Variants in SNX13 observed in about 807,000 individuals in gnomAD.
SNX13 encodes sorting nexin 13.
Under a neutral mutation model 133.6 loss-of-function variants are expected in SNX13, and 45 were observed. The ratio of observed to expected loss-of-function variants is 0.34; its 90% confidence interval spans 0.27 to 0.43. The LOEUF (loss-of-function observed/expected upper bound fraction) is 0.43, where lower values mean the gene tolerates loss of function less well. SNX13 is among the 20% of genes least tolerant of loss of function. The probability of loss-of-function intolerance (pLI) is 1.00; values close to 1 mark genes in which losing one functional copy is unlikely to be tolerated. For missense variants in SNX13, 1,032 were observed against 1,145.1 expected (o/e 0.90, Z 1.43); for synonymous variants, 414 against 373.9 (o/e 1.11, Z -1.24).
intron 8 of SNX13, among the ~76,000 whole-genome samples, chr7:17,869,676 C>T (rs779297018): frequency 2.0e-4 from 30 of 152,072 alleles, no homozygotes; most frequent in Non-Finnish European, 2.5e-4. Context: ...AATGGAGGCA[C>T]CAGTAATTTT....
chr7:17,886,425 G>A (rs919180795), intron 5 of SNX13, among the ~76,000 whole-genome samples: 4 of 151,890 alleles, frequency 2.6e-5, no homozygotes, highest in South Asian at 2.1e-4. Context: ...AAAATTAGTC[G>A]GGTGTAGTGG....
Position 17,862,305 on chromosome 7 carries a change from T to C in SNX13, c.837+6102A>G, listed in dbSNP as rs939999177. On this transcript the variant is annotated intron_variant, in intron 9 of 25. Coordinates refer to ENST00000428135, the MANE Select transcript of SNX13 (RefSeq NM_015132.5). The stretch of plus-strand genomic sequence containing the variant: ...TTTAGTATACAATATCCATTTTCTG[T>C]ACTACTAAACAAATTTTATTATTAT... 1.7e-4 allele frequency among the ~76,000 whole-genome samples: 26 copies of C among 152,326 alleles called. 1 individual carries two copies. Among genetic ancestry groups the C allele is most frequent in the Admixed American group, 1.5e-3 (23 of 15,292 alleles).
chr7:17,866,166 TG>T (rs1211792944), intron 9 of SNX13, among the ~76,000 whole-genome samples: 2 of 152,070 alleles, frequency 1.3e-5, no homozygotes, highest in African/African-American at 4.8e-5. Flanking sequence ...AAAAGGCTTC[TG>T]CACAGCAAAG....
chr7:17,932,510 G>T (rs1313117305), intron 1 of SNX13, among the ~76,000 whole-genome samples: 1 of 152,022 alleles, frequency 6.6e-6, no homozygotes, highest in Admixed American at 6.5e-5. Flanking sequence ...AATTTTTCTT[G>T]AGGAAATATT....
intron 1 of SNX13, among the ~76,000 whole-genome samples, chr7:17,902,242 G>GTTTTTT (rs71010277): frequency 8.3e-6 from 1 of 120,358 alleles, no homozygotes; most frequent in Non-Finnish European, 1.7e-5. Context: ...TACTGTCATG[G>GTTTTTT]TTTTTTTTTT....
At chr7:17,877,008 G>T (rs1794797891) in intron 5 of SNX13, among the ~76,000 whole-genome samples, 1 of 135,788 alleles carries the variant, frequency 7.4e-6, no homozygotes, top group African/African-American at 2.8e-5. Flanking sequence ...CAATAAAAAG[G>T]CTAGTGAAGA....
chr7:17,794,022 C>T lies in SNX13; in HGVS notation c.*23G>A. On this transcript the variant is annotated 3_prime_UTR_variant, in exon 26 of 26. Coordinates refer to ENST00000428135, the MANE Select transcript of SNX13 (RefSeq NM_015132.5). ...TACCATTAGTCCTGGACAAAATGAA[C>T]ACCAGCTTCATAGAGTGGAGTGTCA... is the stretch of plus-strand genomic sequence containing the variant. The T allele has an allele frequency of 6.2e-7, 1 of 1,606,788 alleles. No homozygotes were observed. The highest frequency in any genetic ancestry group is 8.5e-7 in the Non-Finnish European group (1 of 1,175,914).
At chr7:17,801,479 A>C in intron 22 of SNX13, 109 bp downstream of exon 22, 2 of 759,134 alleles carry the variant, frequency 2.6e-6, no homozygotes, top group Non-Finnish European at 4.2e-6. Flanking sequence ...CAAGCTTAAC[A>C]CTTATAATAT....
Position 17,799,087 on chromosome 7 carries a change from CTTTCT to C in SNX13, c.2361_2365del (p.Glu788LysfsTer17). The C allele has an allele frequency of 6.2e-7, 1 of 1,610,852 alleles. No homozygotes were observed. Among genetic ancestry groups the C allele is most frequent in the Non-Finnish European group, 8.5e-7 (1 of 1,178,010 alleles). On this transcript the variant is annotated frameshift_variant, in exon 23 of 26. Transcript: ENST00000428135. LOFTEE classifies it high-confidence loss of function. Reference sequence around the variant, plus strand: ...GATATTCCTTCGCAACCACTGATTTCTTTCTTTTAAGTCGAATACTTCATCCATGA... The same window carrying C: ...GATATTCCTTCGCAACCACTGATTTCTTTAAGTCGAATACTTCATCCATGA...
intron 1 of SNX13, among the ~76,000 whole-genome samples, chr7:17,922,995 A>G (rs994137797): frequency 1.3e-5 from 2 of 152,252 alleles, no homozygotes; most frequent in African/African-American, 4.8e-5. Flanking sequence ...AAACAAAAAA[A>G]TGCATTGCAA....
chr7:17,817,946 G>C (rs1487668045), intron 18 of SNX13, among the ~76,000 whole-genome samples: 3 of 152,116 alleles, frequency 2.0e-5, no homozygotes, highest in Non-Finnish European at 4.4e-5. Flanking sequence ...GACGGTGACT[G>C]AATTGAGAGA....
At chr7:17,800,162 G>C (rs1471312477) in intron 22 of SNX13, among the ~76,000 whole-genome samples, 1 of 151,540 alleles carries the variant, frequency 6.6e-6, no homozygotes, top group African/African-American at 2.4e-5. Context: ...CTAATAAATA[G>C]CTAAACTGTA....
chr7:17,811,595 G>A lies in SNX13; in HGVS notation c.2064+3239C>T, dbSNP rs190399113. On this transcript the variant is annotated intron_variant, in intron 20 of 25. Transcript: ENST00000428135. Reference sequence around the variant, plus strand: ...GCCCAAAGTAATTTACAGATTCAACGATATCCCCATCAAGCTACCATTGAC... The same window carrying A: ...GCCCAAAGTAATTTACAGATTCAACAATATCCCCATCAAGCTACCATTGAC... 3.1e-3 allele frequency among the ~76,000 whole-genome samples: 470 copies of A among 152,186 alleles called. 4 individuals are homozygous for A. The highest frequency in any genetic ancestry group is 0.011 in the African/African-American group (453 of 41,520).
At chr7:17,795,225 CATGT>C (rs1197297140) in intron 25 of SNX13, 1 of 151,552 alleles carries the variant, frequency 6.6e-6, no homozygotes, top group East Asian at 1.9e-4. Flanking sequence ...ATGAGACCAA[CATGT>C]ATGATTATTA....
chr7:17,920,417 T>C (rs1481530049), intron 1 of SNX13, among the ~76,000 whole-genome samples: 1 of 152,228 alleles, frequency 6.6e-6, no homozygotes, highest in Non-Finnish European at 1.5e-5. Flanking sequence ...TTCATAGTTC[T>C]CTTGCATAAC....
At position 17,871,032 on chromosome 7, in the gene SNX13, G is replaced by C. The variant is rs949575006; in HGVS notation, c.753+2496C>G. Among the ~76,000 whole-genome samples, 8 of 151,016 alleles carry C rather than the reference G, an allele frequency of 5.3e-5. 1 individual carries two copies. The highest frequency in any genetic ancestry group is 8.8e-5 in the Non-Finnish European group (6 of 67,834). On this transcript the variant is annotated intron_variant, in intron 8 of 25. Coordinates refer to ENST00000428135, the MANE Select transcript of SNX13 (RefSeq NM_015132.5). ...TTTTTTTCTTTTTTTTTGAGAGGGA[G>C]TCTGGCTCTGTCGCCCAGGCTGGAG... is the stretch of plus-strand genomic sequence containing the variant.
intron 16 of SNX13, among the ~76,000 whole-genome samples, chr7:17,828,186 C>T (rs1788116080): frequency 6.6e-6 from 1 of 151,536 alleles, no homozygotes; most frequent in Non-Finnish European, 1.5e-5. Context: ...ACATTAGTTA[C>T]AGTTATAGTG....
At chr7:17,801,696 A>G in intron 21 of SNX13, 37 bp from the exon 22 acceptor site, 2 of 1,475,936 alleles carry the variant, frequency 1.4e-6, no homozygotes, top group Non-Finnish European at 1.9e-6. Flanking sequence ...TAAACACACT[A>G]AAGCAGACAG....
intron 9 of SNX13, among the ~76,000 whole-genome samples, chr7:17,851,899 A>G (rs1469753833): frequency 6.6e-6 from 1 of 152,172 alleles, no homozygotes; most frequent in African/African-American, 2.4e-5. Context: ...TGGAGATGAC[A>G]CTTAAAACCA....
Sources: gnomAD v4.1 joint callset for allele counts (sites outside exome capture counted in the v4.1 genomes callset) on GRCh38, gnomAD v4.1.1 for gene constraint, MANE v1.5 for transcripts, NCBI Gene and HGNC (gene_info 2026-07-23, HGNC 2026-07-21) for gene names.